The following HCRTR2 variants were observed in gnomAD, a reference collection of about 807,000 sequenced individuals.
HCRTR2 encodes orexin receptor type 2.
A neutral mutation model predicts 49.0 loss-of-function variants in HCRTR2; 22 were observed. The ratio of observed to expected loss-of-function variants is 0.45; its 90% confidence interval spans 0.32 to 0.64. The LOEUF is 0.64. Ranked by LOEUF, HCRTR2 falls within the 30% of genes least tolerant of loss-of-function variation. The pLI is 0.04. For synonymous variants in HCRTR2, 236 were observed against 205.3 expected (o/e 1.15, Z -1.28); for missense variants, 491 against 559.4 (o/e 0.88, Z 1.23).
intron 1 of HCRTR2, among the ~76,000 whole-genome samples, chr6:55,242,911 A>C (rs944475832): frequency 1.3e-5 from 2 of 152,202 alleles, no homozygotes; most frequent in Non-Finnish European, 2.9e-5. Context: ...TTAGCCCACA[A>C]AATAACAGGA....
intron 1 of HCRTR2, among the ~76,000 whole-genome samples, chr6:55,190,554 T>G (rs1046420324): frequency 6.6e-6 from 1 of 152,296 alleles, no homozygotes. Context: ...CATCCAATAT[T>G]TATAACCAAT....
At chr6:55,110,851 T>TAAAC (rs1764039351) in intron 1 of HCRTR2, among the ~76,000 whole-genome samples, 1 of 32,246 alleles carries the variant, frequency 3.1e-5, no homozygotes, top group Admixed American at 4.9e-4. Context: ...ACAATGGACT[T>TAAAC]AAAGTATACC....
At chr6:55,273,492 T>C (rs1767014204) in intron 4 of HCRTR2, among the ~76,000 whole-genome samples, 1 of 152,002 alleles carries the variant, frequency 6.6e-6, no homozygotes, top group African/African-American at 2.4e-5. Flanking sequence ...GATAAAATTC[T>C]CGACTTATTT....
chr6:55,280,589 T>C (rs1162456032), intron 6 of HCRTR2, 145 bp downstream of exon 6: 1 of 1,098,572 alleles, frequency 9.1e-7, no homozygotes, highest in Non-Finnish European at 1.3e-6. Context: ...TTCTTCTCTT[T>C]TGAGGCAAAG....
intron 3 of HCRTR2, among the ~76,000 whole-genome samples, chr6:55,260,801 C>A (rs912752258): frequency 6.6e-6 from 1 of 152,112 alleles, no homozygotes; most frequent in Non-Finnish European, 1.5e-5. Flanking sequence ...TGCATGATTG[C>A]TCAATAAATA....
chr6:55,268,411 T>C lies in HCRTR2; in HGVS notation c.762+4589T>C, dbSNP rs558854865. ...TTCAATCAAAGGGCATAGATTGACA[T>C]AATAGATAAAAACCAACCAATAATT... On this transcript the variant is annotated intron_variant, in intron 4 of 6. Transcript: ENST00000370862. Among the ~76,000 whole-genome samples, 6 of 152,188 alleles carry C rather than the reference T, an allele frequency of 3.9e-5. No individual in the cohort carries two copies. The South Asian group carries it at 1.2e-3, about 32-fold the overall frequency.
chr6:55,190,781 G>A (rs1765302173), intron 1 of HCRTR2, among the ~76,000 whole-genome samples: 1 of 152,030 alleles, frequency 6.6e-6, no homozygotes, highest in African/African-American at 2.4e-5. Flanking sequence ...ACAAAAACAG[G>A]AGTGCATGGT....
At chr6:55,263,303 T>G (rs990377780) in intron 3 of HCRTR2, among the ~76,000 whole-genome samples, 2 of 152,064 alleles carry the variant, frequency 1.3e-5, no homozygotes, top group Non-Finnish European at 2.9e-5. Context: ...AACCAAAGCA[T>G]TAGTTTTTAG....
In HCRTR2 at chr6:55,110,158, A is replaced by C. The variant is rs572498807; in HGVS notation, c.-378+3613A>C. ...AAGGAAAGATAGTCTTTTCCAGACTAATAAATGCTGAGAGAATTCGCCACT... is the reference window on the plus strand; with the variant it reads ...AAGGAAAGATAGTCTTTTCCAGACTCATAAATGCTGAGAGAATTCGCCACT... On this transcript the variant is annotated intron_variant, in intron 1 of 7. Transcript: ENST00000615358. Among the ~76,000 whole-genome samples the C allele has an allele frequency of 2.0e-5, 3 of 152,150 alleles. No individual in the cohort carries two copies. In the East Asian group the frequency reaches 5.8e-4, roughly 29 times the overall value.
At chr6:55,260,734 G>T (rs1245313685) in intron 3 of HCRTR2, among the ~76,000 whole-genome samples, 1 of 152,198 alleles carries the variant, frequency 6.6e-6, no homozygotes, top group African/African-American at 2.4e-5. Context: ...ATGGAAATAA[G>T]ATTGTGGAGG....
intron 1 of HCRTR2, among the ~76,000 whole-genome samples, chr6:55,215,726 G>C (rs542437701): frequency 1.3e-5 from 2 of 151,572 alleles, no homozygotes; most frequent in Non-Finnish European, 2.9e-5. Flanking sequence ...TAAGACTGAG[G>C]TTAGGTTTTT....
intron 5 of HCRTR2, among the ~76,000 whole-genome samples, chr6:55,278,403 C>T (rs554137599): frequency 6.6e-6 from 1 of 152,288 alleles, no homozygotes; most frequent in East Asian, 1.9e-4. Flanking sequence ...GCTCCTCTCA[C>T]TTTGGCCTGA....
At chr6:55,107,000 G>A (rs1443009293) in intron 1 of HCRTR2, among the ~76,000 whole-genome samples, 2 of 152,106 alleles carry the variant, frequency 1.3e-5, no homozygotes, top group African/African-American at 2.4e-5. Context: ...GACTCTCCAA[G>A]GTGATTGTAA....
chr6:55,206,687 G>A (rs1273545243), intron 1 of HCRTR2, among the ~76,000 whole-genome samples: 3 of 151,908 alleles, frequency 2.0e-5, no homozygotes, highest in Non-Finnish European at 4.4e-5. Flanking sequence ...CAAAAATAAA[G>A]AAGGCCAAAT....
At chr6:55,235,173 A>AG (rs1426613580) in intron 1 of HCRTR2, among the ~76,000 whole-genome samples, 1 of 152,060 alleles carries the variant, frequency 6.6e-6, no homozygotes, top group South Asian at 2.1e-4. Context: ...TTTTGTTGGC[A>AG]GGGGGGATGT....
chr6:55,141,178 C>CAA (rs57936133), intron 1 of HCRTR2, among the ~76,000 whole-genome samples: 5,349 of 131,826 alleles, frequency 0.041, 148 homozygotes, highest in East Asian at 0.064. Context: ...ACTAAAAATA[C>CAA]AAAAAAAAAA....
At chr6:55,147,619 A>G (rs1321000668) in intron 1 of HCRTR2, among the ~76,000 whole-genome samples, 2 of 152,202 alleles carry the variant, frequency 1.3e-5, no homozygotes, top group Non-Finnish European at 1.5e-5. Flanking sequence ...GTTCAGTACA[A>G]TAGGCTGCTC....
chr6:55,192,682 T>A (rs1369610583), intron 1 of HCRTR2, among the ~76,000 whole-genome samples: 2 of 152,200 alleles, frequency 1.3e-5, no homozygotes, highest in Non-Finnish European at 2.9e-5. Context: ...AAGTATTGAT[T>A]GATAAAACAT....
intron 1 of HCRTR2, among the ~76,000 whole-genome samples, chr6:55,208,984 G>A (rs909217606): frequency 3.9e-5 from 6 of 152,054 alleles, no homozygotes; most frequent in Non-Finnish European, 7.4e-5. Context: ...ACAAAATGAA[G>A]ACTACTTTTA....
Sources: gnomAD v4.1 joint callset for allele counts (sites outside exome capture counted in the v4.1 genomes callset) on GRCh38, gnomAD v4.1.1 for gene constraint, MANE v1.5 for transcripts, NCBI Gene and HGNC (gene_info 2026-07-23, HGNC 2026-07-21) for gene names.